The following TIMELESS variants were observed in gnomAD, a reference collection of about 807,000 sequenced individuals.
TIMELESS encodes timeless circadian regulator.
A neutral mutation model predicts 164.3 loss-of-function variants in TIMELESS; 124 were observed. That is an observed-to-expected ratio of 0.75 (90% CI 0.65 to 0.88). The LOEUF (loss-of-function observed/expected upper bound fraction) is 0.88, where lower values mean the gene tolerates loss of function less well. Among genes scored for constraint, TIMELESS ranks in the 40% least tolerant of loss-of-function variants. The pLI, the probability that TIMELESS is intolerant of heterozygous loss-of-function variation, is 0.00. For missense variants in TIMELESS, 1,422 were observed against 1,491.4 expected, an observed-to-expected ratio of 0.95 and a Z score of 0.77; for synonymous variants, 564 against 563.4, an observed-to-expected ratio of 1.00 and a Z score of -0.02.
rs747628615 is a variant in TIMELESS at position 56,433,508 on chromosome 12, C to T, written c.366+30G>A. ...ACTTCTTCACCACTGCCCCATATTCCACCCCAGGGACTCCAAAGGAAATCC... is the reference window on the plus strand; with the variant it reads ...ACTTCTTCACCACTGCCCCATATTCTACCCCAGGGACTCCAAAGGAAATCC... On this transcript the variant is annotated intron_variant, in intron 4 of 28. Coordinates refer to ENST00000553532, the MANE Select transcript of TIMELESS (RefSeq NM_003920.5). The T allele has an allele frequency of 1.1e-5, 17 of 1,613,896 alleles. No homozygotes were observed. The South Asian group carries it at 1.9e-4, about 18-fold the overall frequency.
chr12:56,431,003 G>A, intron 8 of TIMELESS, 35 bp from the exon 9 acceptor site: 1 of 1,429,220 alleles, frequency 7.0e-7, no homozygotes, highest in South Asian at 1.3e-5. Context: ...TGATTTTTCA[G>A]TTCTCTGGAA....
At chr12:56,443,832 G>A (rs1055538773) in intron 1 of TIMELESS, among the ~76,000 whole-genome samples, 25 of 151,446 alleles carry the variant, frequency 1.7e-4, no homozygotes, top group African/African-American at 4.1e-4. Flanking sequence ...TGGTTCCCCC[G>A]ATAACATGTA....
At chr12:56,448,303 G>A (rs2136160105) in intron 1 of TIMELESS, among the ~76,000 whole-genome samples, 1 of 151,594 alleles carries the variant, frequency 6.6e-6, no homozygotes, top group Non-Finnish European at 1.5e-5. Context: ...CTCCTGGGGA[G>A]GCTGAGGCAG....
rs765945106 is a variant in TIMELESS, at chr12:56,423,860, G to C, written c.1903C>G (p.Gln635Glu). The change falls in exon 16 of 29, where the codon CAA (glutamine) becomes GAA (glutamate). Residue 635 changes from glutamine (Q) to glutamate (E), a missense_variant. By Grantham distance (29) the Gln-to-Glu change is conservative. Coordinates refer to ENST00000553532, the MANE Select transcript of TIMELESS (RefSeq NM_003920.5). ...VWPEGDVFGS[Q>E]DISPEEEIQL... is the part of the protein sequence containing the mutation. ...ATCTCTTCCTCTGGAGAAATGTCTT[G>C]AGAGCCAAACACATCTCCTTCAGGC... is the stretch of plus-strand genomic sequence containing the variant. 1 of 1,614,162 alleles carries C rather than the reference G, an allele frequency of 6.2e-7. No individual in the cohort carries two copies. Among genetic ancestry groups the C allele is most frequent in the Non-Finnish European group, 8.5e-7 (1 of 1,180,038 alleles).
chr12:56,448,876 T>C (rs898719150), intron 1 of TIMELESS, among the ~76,000 whole-genome samples: 1 of 151,770 alleles, frequency 6.6e-6, no homozygotes, highest in African/African-American at 2.4e-5. Flanking sequence ...GAGTGAGAAA[T>C]CCGTTCCATA....
rs34222190 is a variant in TIMELESS at position 56,438,777 on chromosome 12, CAAAAAAAAAAAAA to C, written c.-61-4559_-61-4547del. On this transcript the variant is annotated intron_variant, in intron 1 of 28. Transcript: ENST00000553532. ...TAGATGACAGAGCAAAGCTCTGTCT[CAAAAAAAAAAAAA>C]AAAAAAAAAAAAAAAGGAATGGAAT... Among the ~76,000 whole-genome samples the C allele has an allele frequency of 5.5e-3, 267 of 48,494 alleles. 1 individual carries two copies. The highest frequency in any genetic ancestry group is 0.024 in the African/African-American group (247 of 10,108). The allele number at this position is 48,494 out of a possible 152,430, so 31.8% of individuals were successfully genotyped here. A position where few individuals can be genotyped will look rare whatever the true frequency, so the allele number is the denominator to read the frequency against.
chr12:56,426,625 T>G (rs1282001168), intron 13 of TIMELESS, among the ~76,000 whole-genome samples: 3 of 152,120 alleles, frequency 2.0e-5, no homozygotes, highest in African/African-American at 7.2e-5. Context: ...AATGGCATGA[T>G]CTTGGCTCAC....
rs1592243472 is a variant in TIMELESS, at chr12:56,420,854, T to G, written c.3068A>C (p.Gln1023Pro). The change falls in exon 25 of 29, where the codon CAG becomes CCG. Residue 1023 changes from glutamine (Q) to proline (P), a missense_variant. By Grantham distance (76) the Gln-to-Pro change is moderately conservative. Coordinates refer to ENST00000553532, the MANE Select transcript of TIMELESS (RefSeq NM_003920.5). ...ATCAGCTGCTCGGATCAGGCAGTTC[T>G]GGAGCCATAGGAGCGGGATAGAAAA... ...EGFSIPLLWLQNCLIRAADDR... is the reference protein window; with the variant it reads ...EGFSIPLLWLPNCLIRAADDR... The G allele has an allele frequency of 6.2e-7, 1 of 1,614,090 alleles. No homozygotes were observed. The highest frequency in any genetic ancestry group is 8.5e-7 in the Non-Finnish European group (1 of 1,180,050).
chr12:56,417,635 G>T lies in TIMELESS; in HGVS notation c.*81C>A. ...TCTGTCCAGTAAGAGGAGCTTCTGG[G>T]TCCTGTATGACCCTTCCAACTCTGA... On this transcript the variant is annotated 3_prime_UTR_variant, in exon 29 of 29. Coordinates refer to ENST00000553532, the MANE Select transcript of TIMELESS (RefSeq NM_003920.5). The T allele has an allele frequency of 2.2e-6, 3 of 1,393,906 alleles. No individual in the cohort carries two copies. The highest frequency in any genetic ancestry group is 3.1e-6 in the Non-Finnish European group (3 of 981,906). The allele number at this position is 1,393,906 out of a possible 1,614,324, so 86.3% of individuals were successfully genotyped here.
At position 56,421,145 on chromosome 12, in the gene TIMELESS, T is replaced by A. The variant is rs577913003; in HGVS notation, c.2869-11A>T. On this transcript the variant is annotated splice_polypyrimidine_tract_variant and intron_variant, in intron 23 of 28. Transcript: ENST00000553532. ...CTCCGCTCCATTTGGCTAAAATTCA[T>A]TGGGGGTTGGGGGAATGAAAATGAA... 6.2e-7 allele frequency: 1 copy of A among 1,613,296 alleles called. No individual in the cohort carries two copies. Among genetic ancestry groups the A allele is most frequent in the Non-Finnish European group, 8.5e-7 (1 of 1,179,890 alleles).
intron 2 of TIMELESS, 50 bp from the exon 3 acceptor site, chr12:56,433,976 T>C (rs775307980): frequency 2.5e-5 from 40 of 1,612,522 alleles, no homozygotes; most frequent in Admixed American, 5.0e-5. Context: ...AGAAGCTCCA[T>C]CCAGACCCAC....
At position 56,423,639 on chromosome 12, in the gene TIMELESS, A is replaced by ACTC; in HGVS notation, c.2032_2034dup (p.Glu678dup). 1 of 1,612,998 alleles carries ACTC rather than the reference A, an allele frequency of 6.2e-7. No individual in the cohort carries two copies. Among genetic ancestry groups the ACTC allele is most frequent in the South Asian group, 1.1e-5 (1 of 91,022 alleles). On this transcript the variant is annotated inframe_insertion, in exon 17 of 29. Transcript: ENST00000553532. ...TTCTCCGACACCTGGACCACTTGCA[A>ACTC]CTCCTCCTCTTCCTCCTCCTCCTCC...
At position 56,417,534 on chromosome 12, in the gene TIMELESS, C is replaced by G; in HGVS notation, c.*182G>C. 1 of 596,750 alleles carries G rather than the reference C, an allele frequency of 1.7e-6. No homozygotes were observed. Among genetic ancestry groups the G allele is most frequent in the Non-Finnish European group, 3.0e-6 (1 of 337,520 alleles). 37.0% of individuals were successfully genotyped at this position (596,750 alleles called of 1,614,324 possible). ...CGATAAAAACTGGGAGAAACAAAGA[C>G]TGACAGCAGAGAAGTCCAATACTGC... On this transcript the variant is annotated 3_prime_UTR_variant, in exon 29 of 29. Coordinates refer to ENST00000553532, the MANE Select transcript of TIMELESS (RefSeq NM_003920.5).
rs541017136 is a variant in TIMELESS, at chr12:56,447,192, T to G, written c.-62+2118A>C. Among the ~76,000 whole-genome samples the G allele has an allele frequency of 1.4e-3, 206 of 145,364 alleles. 1 individual carries two copies. Among genetic ancestry groups the G allele is most frequent in the African/African-American group, 4.5e-3 (175 of 39,114 alleles). On this transcript the variant is annotated intron_variant, in intron 1 of 28. Coordinates refer to ENST00000553532, the MANE Select transcript of TIMELESS (RefSeq NM_003920.5). ...ACCCAGCTAATTTTTGTTTTTTTTT[T>G]TTTTTTTTTTTTTTTTTAGTAGAGA...
intron 19 of TIMELESS, 63 bp downstream of exon 19, chr12:56,422,784 A>G: frequency 6.6e-7 from 1 of 1,524,790 alleles, no homozygotes; most frequent in Admixed American, 2.0e-5. Flanking sequence ...CAGCTTTGAC[A>G]TTCTGTGACT....
chr12:56,443,870 G>A (rs912369051), intron 1 of TIMELESS, among the ~76,000 whole-genome samples: 1 of 151,488 alleles, frequency 6.6e-6, no homozygotes, highest in Non-Finnish European at 1.5e-5. Context: ...AGGGCCTTCA[G>A]CCTGGTCCAG....
intron 13 of TIMELESS, among the ~76,000 whole-genome samples, chr12:56,425,512 A>G (rs576364323): frequency 3.3e-5 from 5 of 152,346 alleles, no homozygotes; most frequent in East Asian, 1.9e-4. Flanking sequence ...TGAGGATCAA[A>G]TAAGACACAT....
At chr12:56,444,139 A>C (rs1350097359) in intron 1 of TIMELESS, among the ~76,000 whole-genome samples, 1 of 152,092 alleles carries the variant, frequency 6.6e-6, no homozygotes, top group Non-Finnish European at 1.5e-5. Flanking sequence ...CTCGTGATCC[A>C]CCTGCCTCGG....
chr12:56,421,120 CT>C lies in TIMELESS; in HGVS notation c.2882del (p.Glu961GlyfsTer3), dbSNP rs1881466296. ...LASSILPNGA[E>X]SLKDFCQEDL... is the part of the protein sequence containing the mutation. ...CTTCCTGGCAAAAATCTTTCAGGGACTCCGCTCCATTTGGCTAAAATTCATT... is the reference window on the plus strand; with the variant it reads ...CTTCCTGGCAAAAATCTTTCAGGGACCCGCTCCATTTGGCTAAAATTCATT... On this transcript the variant is annotated frameshift_variant, in exon 24 of 29. Transcript: ENST00000553532. LOFTEE classifies it high-confidence loss of function. 1 of 1,613,998 alleles carries C rather than the reference CT, an allele frequency of 6.2e-7. No homozygotes were observed. Among genetic ancestry groups the C allele is most frequent in the Admixed American group, 1.7e-5 (1 of 59,994 alleles).
Sources: allele counts gnomAD v4.1 joint callset (sites outside exome capture counted in the v4.1 genomes callset), GRCh38; gene constraint gnomAD v4.1.1; transcripts MANE v1.5; gene names NCBI Gene and HGNC (gene_info 2026-07-23, HGNC 2026-07-21).